The following CHD5 variants were observed in gnomAD, a reference collection of about 807,000 sequenced individuals.
CHD5 encodes the protein chromodomain helicase DNA binding protein 5.
Under a neutral mutation model 230.3 loss-of-function variants are expected in CHD5, and 69 were observed. The ratio of observed to expected loss-of-function variants is 0.30; its 90% CI spans 0.25 to 0.37. The LOEUF is 0.37. Among genes scored for constraint, CHD5 ranks in the 10% least tolerant of loss-of-function variants. The pLI, the probability that CHD5 is intolerant of heterozygous loss-of-function variation, is 1.00. For synonymous variants in CHD5, 1,064 were observed against 1,065.9 expected (o/e 1.00, Z 0.03); for missense variants, 1,827 against 2,622.8 (o/e 0.70, Z 6.63).
intron 1 of CHD5, among the ~76,000 whole-genome samples, chr1:6,173,662 C>T (rs1186568151): frequency 1.3e-5 from 2 of 152,272 alleles, no homozygotes; most frequent in East Asian, 3.9e-4. Flanking sequence ...ACGATGCCTG[C>T]AGGGGCTCAG....
chr1:6,176,188 C>A (rs900158479), intron 1 of CHD5, among the ~76,000 whole-genome samples: 1 of 152,148 alleles, frequency 6.6e-6, no homozygotes, highest in African/African-American at 2.4e-5. Context: ...CTCCCTGGGA[C>A]CCCCCTACCA....
intron 15 of CHD5, among the ~76,000 whole-genome samples, chr1:6,141,882 C>T (rs1459333775): frequency 6.6e-6 from 1 of 152,148 alleles, no homozygotes; most frequent in African/African-American, 2.4e-5. Flanking sequence ...TTCCAACCTC[C>T]AGCCTCCAGA....
chr1:6,159,618 G>A, intron 2 of CHD5, 103 bp from the exon 3 acceptor site: 1 of 867,276 alleles, frequency 1.2e-6, no homozygotes, highest in Non-Finnish European at 1.8e-6. Flanking sequence ...CCACGCTGGG[G>A]ATCGACCGAT....
chr1:6,124,766 A>T, intron 29 of CHD5, 105 bp from the exon 30 acceptor site: 1 of 763,676 alleles, frequency 1.3e-6, no homozygotes, highest in Non-Finnish European at 2.1e-6. Flanking sequence ...ATCTTCAACC[A>T]TCGCCCACCT....
chr1:6,169,420 T>C (rs928067898), intron 1 of CHD5, among the ~76,000 whole-genome samples: 26 of 152,188 alleles, frequency 1.7e-4, no homozygotes, highest in African/African-American at 6.3e-4. Flanking sequence ...AGGGAGTATG[T>C]TTGACGACAC....
At position 6,124,063 on chromosome 1, in the gene CHD5, G is replaced by A; in HGVS notation, c.4584C>T (p.Asp1528=). The change falls in exon 31 of 42, where the codon GAC becomes GAT. Residue 1528 remains aspartate (D), a synonymous_variant. Coordinates refer to ENST00000262450, the MANE Select transcript of CHD5 (RefSeq NM_015557.3). ...TCCCCTCGGGCCCCTCAGGGATCAAGTCTGGGGTGCTGTACTTCCCGTTGA... is the reference window on the plus strand; with the variant it reads ...TCCCCTCGGGCCCCTCAGGGATCAAATCTGGGGTGCTGTACTTCCCGTTGA... The part of the protein sequence containing the change: ...EHVNGKYSTP[D]LIPEGPEGKK... 1.2e-6 allele frequency: 2 copies of A among 1,613,416 alleles called. No homozygotes were observed. The highest frequency in any genetic ancestry group is 1.1e-5 in the South Asian group (1 of 91,006).
In CHD5 at chr1:6,125,733, G is replaced by C; in HGVS notation, c.4171+33C>G. The C allele has an allele frequency of 1.3e-6, 2 of 1,596,184 alleles. No individual in the cohort carries two copies. On this transcript the variant is annotated intron_variant, in intron 27 of 41. Transcript: ENST00000262450. The surrounding 1 kb of genome is among the most constrained non-coding windows in gnomAD (Gnocchi z 6.7). ...CATCAGCTCCCCTGACATGGCCTCA[G>C]CAGTAGCCCAGACCACTAACACTGA...
intron 1 of CHD5, among the ~76,000 whole-genome samples, chr1:6,177,868 A>G (rs991171087): frequency 6.6e-6 from 1 of 152,200 alleles, no homozygotes; most frequent in Non-Finnish European, 1.5e-5. Context: ...AAAGGGGTAC[A>G]GGAGTGGACC....
At position 6,128,241 on chromosome 1, in the gene CHD5, G is replaced by T; in HGVS notation, c.3731-23C>A. On this transcript the variant is annotated intron_variant, in intron 24 of 41. Coordinates refer to ENST00000262450, the MANE Select transcript of CHD5 (RefSeq NM_015557.3). This position sits in a 1 kb window ranked among gnomAD's most constrained non-coding sequence, Gnocchi z 7.8. ...CACCTGGGGAGCAGGCAAATGCAGTGTGAGGACAAAGACTGCCCTGGTCCA... is the reference window on the plus strand; with the variant it reads ...CACCTGGGGAGCAGGCAAATGCAGTTTGAGGACAAAGACTGCCCTGGTCCA... The T allele has an allele frequency of 6.2e-7, 1 of 1,611,364 alleles. No homozygotes were observed. The highest frequency in any genetic ancestry group is 1.7e-5 in the Admixed American group (1 of 59,936).
chr1:6,160,114 G>A (rs146567816), intron 2 of CHD5, among the ~76,000 whole-genome samples: 3,287 of 109,026 alleles, frequency 0.03, no homozygotes, highest in East Asian at 0.11. Flanking sequence ...GCCAGGGAAG[G>A]GCCCCAGCCA....
chr1:6,177,314 C>G (rs905715813), intron 1 of CHD5, among the ~76,000 whole-genome samples: 2 of 152,224 alleles, frequency 1.3e-5, no homozygotes, highest in Non-Finnish European at 2.9e-5. Context: ...AGCAGTGCGA[C>G]TTGACAGGAG....
Position 6,110,517 on chromosome 1 carries a change from G to A in CHD5, c.5259C>T (p.Tyr1753=), listed in dbSNP as rs746685685. 73 of 1,611,764 alleles carry A rather than the reference G, an allele frequency of 4.5e-5. No individual in the cohort carries two copies. Among genetic ancestry groups the A allele is most frequent in the Admixed American group, 6.7e-5 (4 of 59,950 alleles). Reference sequence around the variant, plus strand: ...CATTCTGGATGTCCTGCCAGCGGGCGTAGCCGTGCCTGGGTGGGGCACCAT... The same window carrying A: ...CATTCTGGATGTCCTGCCAGCGGGCATAGCCGTGCCTGGGTGGGGCACCAT... The part of the protein sequence containing the change: ...WLLAGIVTHG[Y]ARWQDIQNDP... Residue 1753 remains tyrosine (Y), a synonymous_variant, in exon 37 of 42, where the codon TAC becomes TAT. Transcript: ENST00000262450.
chr1:6,130,397 GGAGAGAACA>G lies in CHD5; in HGVS notation c.3263-78_3263-70del. Reference sequence around the variant, plus strand: ...ACCTTGGGTGGGCAGAAAGGATGGGGGAGAGAACAGAGAGAAGGAACTGCAGCAACAGAT... The same window carrying G: ...ACCTTGGGTGGGCAGAAAGGATGGGGGAGAGAAGGAACTGCAGCAACAGAT... On this transcript the variant is annotated intron_variant, in intron 21 of 41. Coordinates refer to ENST00000262450, the MANE Select transcript of CHD5 (RefSeq NM_015557.3). The surrounding 1 kb of genome is among the most constrained non-coding windows in gnomAD (Gnocchi z 4.9). 3 of 1,423,780 alleles carry G rather than the reference GGAGAGAACA, an allele frequency of 2.1e-6. No individual in the cohort carries two copies. In the South Asian group the frequency reaches 3.6e-5, roughly 17 times the overall value. 88.2% of individuals were successfully genotyped at this position (1,423,780 alleles called of 1,614,324 possible).
rs369770605 is a variant in CHD5, at chr1:6,121,412, G to C, written c.4779+82C>G. On this transcript the variant is annotated intron_variant, in intron 32 of 41. Coordinates refer to ENST00000262450, the MANE Select transcript of CHD5 (RefSeq NM_015557.3). This position sits in a 1 kb window ranked among gnomAD's most constrained non-coding sequence, Gnocchi z 4.5. ...AGCCAGGAGGCCTGGGTTCCACCTCGCTGTACAGGGCCTGAGAAGGTCCCC... is the reference window on the plus strand; with the variant it reads ...AGCCAGGAGGCCTGGGTTCCACCTCCCTGTACAGGGCCTGAGAAGGTCCCC... 5 of 1,477,472 alleles carry C rather than the reference G, an allele frequency of 3.4e-6. No homozygotes were observed. Among genetic ancestry groups the C allele is most frequent in the Non-Finnish European group, 4.7e-6 (5 of 1,070,310 alleles). The allele number at this position is 1,477,472 out of a possible 1,614,324, so 91.5% of individuals were successfully genotyped here. A position where few individuals can be genotyped will look rare whatever the true frequency, so the allele number is the denominator to read the frequency against.
chr1:6,178,076 G>A (rs1667452428), intron 1 of CHD5, among the ~76,000 whole-genome samples: 2 of 152,200 alleles, frequency 1.3e-5, no homozygotes, highest in African/African-American at 4.8e-5. Context: ...TCTGGAGGTG[G>A]AGCAGCTGGC....
intron 1 of CHD5, among the ~76,000 whole-genome samples, chr1:6,172,556 C>T (rs1667354831): frequency 6.6e-6 from 1 of 151,330 alleles, no homozygotes; most frequent in African/African-American, 2.5e-5. Context: ...CATTATTTAC[C>T]TACATCTCAG....
In CHD5 at chr1:6,110,016, C is replaced by T. The variant is rs374692414; in HGVS notation, c.5383-26G>A. 1.1e-5 allele frequency: 16 copies of T among 1,493,730 alleles called. No homozygotes were observed. The South Asian group carries it at 1.2e-4, about 11-fold the overall frequency. The allele number at this position is 1,493,730 out of a possible 1,614,324, so 92.5% of individuals were successfully genotyped here. ...CTGGGGGCGGGGCGCAGCGTCGGCC[C>T]GGCCCCTCCCGCTGAATGGCTACCC... On this transcript the variant is annotated intron_variant, in intron 37 of 41. Coordinates refer to ENST00000262450, the MANE Select transcript of CHD5 (RefSeq NM_015557.3).
chr1:6,156,311 C>T (rs918593827), intron 3 of CHD5, among the ~76,000 whole-genome samples: 2 of 152,068 alleles, frequency 1.3e-5, no homozygotes, highest in African/African-American at 4.8e-5. Flanking sequence ...CCAAGGCAGA[C>T]AGATCATTTG....
chr1:6,166,846 G>A (rs1031333154), intron 2 of CHD5, among the ~76,000 whole-genome samples: 3 of 152,138 alleles, frequency 2.0e-5, no homozygotes, highest in Admixed American at 6.5e-5. Context: ...TCCCTCCTCT[G>A]CTCGAAGCCT....
Sources: gnomAD v4.1 joint callset for allele counts (sites outside exome capture counted in the v4.1 genomes callset) on GRCh38, gnomAD v4.1.1 for gene constraint, Gnocchi (gnomAD v3.1) non-coding constraint, MANE v1.5 for transcripts, NCBI Gene and HGNC (gene_info 2026-07-23, HGNC 2026-07-21) for gene names.